The following RANBP9 variants were observed in gnomAD, a reference collection of about 807,000 sequenced individuals.
RANBP9 encodes ran-binding protein 9.
In RANBP9, 15 loss-of-function variants were observed where a neutral mutation model predicts 84.3. That is an observed-to-expected ratio of 0.18 (90% CI 0.12 to 0.27). The LOEUF is 0.27. RANBP9 is among the 10% of genes least tolerant of loss of function. RANBP9 has a pLI of 1.00. For synonymous variants in RANBP9, 392 were observed against 349.6 expected (o/e 1.12, Z -1.35); for missense variants, 809 against 912.8 (o/e 0.89, Z 1.46).
chr6:13,632,055 A>C (rs1764796728), intron 12 of RANBP9, among the ~76,000 whole-genome samples: 2 of 148,854 alleles, frequency 1.3e-5, no homozygotes, highest in Non-Finnish European at 3.0e-5. Context: ...GAGAAAATAA[A>C]ACTAAGAAAC....
intron 5 of RANBP9, among the ~76,000 whole-genome samples, chr6:13,652,268 T>C (rs1765314954): frequency 6.6e-6 from 1 of 152,244 alleles, no homozygotes; most frequent in Non-Finnish European, 1.5e-5. Flanking sequence ...CTTTACTACC[T>C]GTTGAATAAT....
chr6:13,651,198 T>C (rs936167154), intron 5 of RANBP9, among the ~76,000 whole-genome samples: 5 of 152,066 alleles, frequency 3.3e-5, no homozygotes, highest in Non-Finnish European at 7.4e-5. Flanking sequence ...TGTTAGTTTT[T>C]TTCCCCCTTG....
chr6:13,681,912 G>A (rs933587268), intron 2 of RANBP9, among the ~76,000 whole-genome samples: 13 of 151,952 alleles, frequency 8.6e-5, no homozygotes, highest in Non-Finnish European at 1.8e-4. Flanking sequence ...AGGCCAGAGT[G>A]CAGTGAAGCA....
At chr6:13,708,819 T>TCACA (rs70989879) in intron 1 of RANBP9, among the ~76,000 whole-genome samples, 14,623 of 140,824 alleles carry the variant, frequency 0.1, 814 homozygotes, top group East Asian at 0.16. Flanking sequence ...AACGGAAAAC[T>TCACA]CACACACACA....
chr6:13,688,982 CAAAAAAA>C (rs1164073062), intron 2 of RANBP9, among the ~76,000 whole-genome samples: 4 of 29,958 alleles, frequency 1.3e-4, no homozygotes, highest in Non-Finnish European at 2.9e-4. Context: ...CCCATCTCCA[CAAAAAAA>C]AAAAAAAAAA....
At chr6:13,678,062 G>T (rs1361895243) in intron 2 of RANBP9, among the ~76,000 whole-genome samples, 1 of 152,162 alleles carries the variant, frequency 6.6e-6, no homozygotes. Context: ...AGGCTGCAGT[G>T]AACAGTGATC....
rs2127769596 is a variant in RANBP9 at position 13,654,616 on chromosome 6, T to C, written c.905-1935A>G. 1.3e-5 allele frequency among the ~76,000 whole-genome samples: 2 copies of C among 152,344 alleles called. 1 individual carries two copies. The highest frequency in any genetic ancestry group is 4.1e-4 in the South Asian group (2 of 4,828). On this transcript the variant is annotated intron_variant, in intron 4 of 13. Transcript: ENST00000011619. Reference sequence around the variant, plus strand: ...CCTAGACCAGAGGTAGGCAAAGCTTTCCTATGAAGGACTACTAATATGTTC... The same window carrying C: ...CCTAGACCAGAGGTAGGCAAAGCTTCCCTATGAAGGACTACTAATATGTTC...
intron 11 of RANBP9, among the ~76,000 whole-genome samples, chr6:13,633,499 G>A (rs1764847446): frequency 1.3e-5 from 2 of 152,098 alleles, no homozygotes; most frequent in Admixed American, 1.3e-4. Flanking sequence ...TAACTTATGA[G>A]GTCGTTATTA....
At chr6:13,688,962 C>T (rs1362654106) in intron 2 of RANBP9, among the ~76,000 whole-genome samples, 3 of 128,658 alleles carry the variant, frequency 2.3e-5, no homozygotes, top group Non-Finnish European at 4.8e-5. Context: ...GCCTGTGCAA[C>T]ATACCGAGAC....
At chr6:13,664,690 G>C (rs1554224425) in intron 2 of RANBP9, among the ~76,000 whole-genome samples, 1 of 152,018 alleles carries the variant, frequency 6.6e-6, no homozygotes, top group Non-Finnish European at 1.5e-5. Context: ...ACACTGATTT[G>C]ATCTTTACAA....
At chr6:13,665,371 A>G (rs192830043) in intron 2 of RANBP9, among the ~76,000 whole-genome samples, 21 of 152,338 alleles carry the variant, frequency 1.4e-4, no homozygotes, top group Admixed American at 1.3e-3. Context: ...CAAACAGCCA[A>G]GGAGTACATG....
At chr6:13,680,397 T>C (rs1766006737) in intron 2 of RANBP9, among the ~76,000 whole-genome samples, 1 of 151,780 alleles carries the variant, frequency 6.6e-6, no homozygotes. Context: ...ACCAAATTTC[T>C]TGTAAGAAAA....
intron 2 of RANBP9, among the ~76,000 whole-genome samples, chr6:13,667,687 C>G (rs1765683447): frequency 1.3e-5 from 2 of 152,076 alleles, no homozygotes; most frequent in Admixed American, 6.6e-5. Context: ...CAATAACAAG[C>G]TATTCAGTTT....
intron 2 of RANBP9, among the ~76,000 whole-genome samples, chr6:13,670,801 GAAAAA>G (rs796204005): frequency 7.0e-5 from 4 of 56,758 alleles, no homozygotes; most frequent in Non-Finnish European, 1.5e-4. Flanking sequence ...TTCCATCTTA[GAAAAA>G]AAAAAAAAAA....
At chr6:13,675,880 T>G (rs1225362489) in intron 2 of RANBP9, among the ~76,000 whole-genome samples, 1 of 151,964 alleles carries the variant, frequency 6.6e-6, no homozygotes, top group Admixed American at 6.5e-5. Flanking sequence ...ATTTGATTAT[T>G]TAGATGAAAT....
At chr6:13,650,815 T>G (rs1048478022) in intron 5 of RANBP9, among the ~76,000 whole-genome samples, 18 of 151,958 alleles carry the variant, frequency 1.2e-4, no homozygotes, top group African/African-American at 4.3e-4. Context: ...ATACAAAAAA[T>G]CAGTCGGGCA....
intron 12 of RANBP9, among the ~76,000 whole-genome samples, chr6:13,628,899 A>G (rs984396489): frequency 1.1e-4 from 16 of 152,246 alleles, no homozygotes; most frequent in African/African-American, 3.9e-4. Flanking sequence ...GGTTTCTGAA[A>G]ACCAGTATAG....
intron 12 of RANBP9, among the ~76,000 whole-genome samples, chr6:13,632,015 T>C (rs553585451): frequency 1.5e-4 from 23 of 152,108 alleles, no homozygotes; most frequent in African/African-American, 3.6e-4. Flanking sequence ...CACGCCCACA[T>C]TGCTCCTAGT....
At chr6:13,690,118 C>A (rs1052505818) in intron 2 of RANBP9, among the ~76,000 whole-genome samples, 1 of 152,146 alleles carries the variant, frequency 6.6e-6, no homozygotes, top group Non-Finnish European at 1.5e-5. Context: ...TATGACTACA[C>A]TAAATTTGAT....
Sources: gnomAD v4.1 joint callset for allele counts (sites outside exome capture counted in the v4.1 genomes callset) on GRCh38, gnomAD v4.1.1 for gene constraint, MANE v1.5 for transcripts, NCBI Gene and HGNC (gene_info 2026-07-23, HGNC 2026-07-21) for gene names.